LRRC8D: variants seen among roughly 807,000 people sequenced by gnomAD.
LRRC8D encodes the protein leucine rich repeat containing 8 VRAC subunit D, also known as volume-regulated anion channel subunit LRRC8D.
LRRC8D carries 20 observed loss-of-function variants against 55.8 expected under a neutral mutation model. That is an observed-to-expected ratio of 0.36 (90% CI 0.25 to 0.52). LRRC8D has a LOEUF of 0.52. Ranked by LOEUF, LRRC8D falls within the 20% of genes least tolerant of loss-of-function variation. LRRC8D has a pLI of 0.93. For synonymous variants in LRRC8D, 352 were observed against 377.0 expected (o/e 0.93, Z 0.77); for missense variants, 651 against 1,030.8 (o/e 0.63, Z 5.05).
chr1:89,842,021 G>A (rs1280691030), intron 1 of LRRC8D, among the ~76,000 whole-genome samples: 1 of 151,946 alleles, frequency 6.6e-6, no homozygotes, highest in East Asian at 1.9e-4. Flanking sequence ...GATCATCCTG[G>A]CCAACATTGT....
At chr1:89,922,020 A>G (rs956794864) in intron 2 of LRRC8D, among the ~76,000 whole-genome samples, 2 of 152,158 alleles carry the variant, frequency 1.3e-5, no homozygotes, top group Non-Finnish European at 2.9e-5. Flanking sequence ...TCTCTTGGGC[A>G]TCGGAGTTGT....
chr1:89,903,043 G>A (rs77867820), intron 2 of LRRC8D, among the ~76,000 whole-genome samples: 468 of 152,306 alleles, frequency 3.1e-3, no homozygotes, highest in Non-Finnish European at 5.4e-3. Context: ...AACCTCTGAG[G>A]TGAGTGCTGT....
intron 2 of LRRC8D, among the ~76,000 whole-genome samples, chr1:89,924,099 A>C (rs1288911721): frequency 6.6e-6 from 1 of 152,250 alleles, no homozygotes; most frequent in Non-Finnish European, 1.5e-5. Context: ...TAAACTAAAG[A>C]GCTTCTGCAC....
chr1:89,830,507 T>G (rs1310934378), intron 1 of LRRC8D, among the ~76,000 whole-genome samples: 1 of 152,216 alleles, frequency 6.6e-6, no homozygotes, highest in African/African-American at 2.4e-5. Flanking sequence ...ATCTGTAATT[T>G]CTGTGCTAAT....
chr1:89,843,389 G>A, intron 1 of LRRC8D: 1 of 313,642 alleles, frequency 3.2e-6, no homozygotes, highest in Non-Finnish European at 5.7e-6. Context: ...GTGAGCGAGC[G>A]GGCGGGCGGG....
At chr1:89,846,282 C>T (rs187752864) in intron 2 of LRRC8D, among the ~76,000 whole-genome samples, 1 of 151,540 alleles carries the variant, frequency 6.6e-6, no homozygotes, top group East Asian at 1.9e-4. Context: ...TTTAGATTGT[C>T]ATGTTCTGTT....
intron 2 of LRRC8D, among the ~76,000 whole-genome samples, chr1:89,914,681 C>T (rs904055072): frequency 6.7e-6 from 1 of 150,104 alleles, no homozygotes; most frequent in Admixed American, 6.6e-5. Flanking sequence ...CTGCTTGTTG[C>T]TGGTCTCAGT....
At chr1:89,893,020 G>T (rs969583112) in intron 2 of LRRC8D, among the ~76,000 whole-genome samples, 1 of 152,050 alleles carries the variant, frequency 6.6e-6, no homozygotes, top group Non-Finnish European at 1.5e-5. Flanking sequence ...TATATGACAG[G>T]TACTGTCCTA....
chr1:89,851,513 C>CTTT (rs375812263), intron 2 of LRRC8D, among the ~76,000 whole-genome samples: 2 of 144,174 alleles, frequency 1.4e-5, no homozygotes, highest in Non-Finnish European at 3.1e-5. Context: ...CTTTCTTTTT[C>CTTT]TTTTTTTTTT....
chr1:89,845,526 G>A (rs781191894), intron 2 of LRRC8D, among the ~76,000 whole-genome samples: 69 of 152,044 alleles, frequency 4.5e-4, no homozygotes, highest in East Asian at 2.9e-3. Context: ...AATCTCTGCC[G>A]CCTGGGTTCA....
intron 2 of LRRC8D, among the ~76,000 whole-genome samples, chr1:89,882,602 C>T (rs1043516984): frequency 3.3e-5 from 5 of 152,228 alleles, no homozygotes; most frequent in East Asian, 1.9e-4. Flanking sequence ...AAGCATATCC[C>T]GCTATTTAAA....
chr1:89,887,194 TA>T (rs1301891144), intron 2 of LRRC8D, among the ~76,000 whole-genome samples: 1 of 152,214 alleles, frequency 6.6e-6, no homozygotes, highest in Non-Finnish European at 1.5e-5. Context: ...TTAAGTTAAT[TA>T]ATACTTATGA....
chr1:89,876,695 G>T (rs1055547982), intron 2 of LRRC8D, among the ~76,000 whole-genome samples: 1 of 152,200 alleles, frequency 6.6e-6, no homozygotes, highest in African/African-American at 2.4e-5. Flanking sequence ...CTGCAATAAA[G>T]TTTCTTTGGA....
At chr1:89,918,173 G>A (rs1398744175) in intron 2 of LRRC8D, among the ~76,000 whole-genome samples, 1 of 152,164 alleles carries the variant, frequency 6.6e-6, no homozygotes, top group Non-Finnish European at 1.5e-5. Context: ...AGAACATCTG[G>A]GTTCCATGGC....
At chr1:89,895,570 A>AT (rs1423665048) in intron 2 of LRRC8D, among the ~76,000 whole-genome samples, 3 of 152,072 alleles carry the variant, frequency 2.0e-5, no homozygotes, top group Admixed American at 2.0e-4. Flanking sequence ...TTTACTTTTA[A>AT]TTTTCTATGT....
intron 2 of LRRC8D, among the ~76,000 whole-genome samples, chr1:89,853,998 A>G (rs1661487738): frequency 6.6e-6 from 1 of 152,162 alleles, no homozygotes; most frequent in Non-Finnish European, 1.5e-5. Flanking sequence ...GTAGAAGAGG[A>G]AATCATTAAT....
intron 2 of LRRC8D, among the ~76,000 whole-genome samples, chr1:89,850,223 G>T (rs921330889): frequency 1.3e-5 from 2 of 152,048 alleles, no homozygotes; most frequent in Admixed American, 6.5e-5. Context: ...TCTCTATTTG[G>T]TTCCAGTTGA....
chr1:89,857,541 G>A (rs1226988507), intron 2 of LRRC8D, among the ~76,000 whole-genome samples: 1 of 152,084 alleles, frequency 6.6e-6, no homozygotes, highest in Non-Finnish European at 1.5e-5. Flanking sequence ...GAGAAAGAAA[G>A]AGGTAAATCA....
chr1:89,870,148 C>T (rs1661968611), intron 2 of LRRC8D, among the ~76,000 whole-genome samples: 1 of 151,632 alleles, frequency 6.6e-6, no homozygotes, highest in African/African-American at 2.4e-5. Flanking sequence ...ATTTCATATC[C>T]AGCCAAAGTA....
Sources: allele counts gnomAD v4.1 joint callset (sites outside exome capture counted in the v4.1 genomes callset), GRCh38; gene constraint gnomAD v4.1.1; transcripts MANE v1.5; gene names NCBI Gene and HGNC (gene_info 2026-07-23, HGNC 2026-07-21).